NLK: variants seen among roughly 807,000 people sequenced by gnomAD.
The protein encoded by NLK is nemo like kinase.
NLK carries 11 observed loss-of-function variants against 59.0 expected under a neutral mutation model. The observed-to-expected ratio is 0.19, with a 90% CI of 0.12 to 0.31. NLK has a LOEUF of 0.31. Ranked by LOEUF, NLK falls within the 10% of genes least tolerant of loss-of-function variation. The probability of loss-of-function intolerance (pLI) is 1.00; values close to 1 mark genes in which losing one functional copy is unlikely to be tolerated. For missense variants in NLK, 410 were observed against 661.1 expected, an observed-to-expected ratio of 0.62 and a Z score of 4.16; for synonymous variants, 235 against 235.9, an observed-to-expected ratio of 1.00 and a Z score of 0.03.
intron 1 of NLK, among the ~76,000 whole-genome samples, chr17:28,111,133 A>G (rs945826401): frequency 6.6e-6 from 1 of 151,960 alleles, no homozygotes; most frequent in African/African-American, 2.4e-5. Flanking sequence ...GCTAGTTTGG[A>G]AGTCTTTTTC....
At chr17:28,085,855 C>T (rs1359221292) in intron 1 of NLK, among the ~76,000 whole-genome samples, 1 of 152,144 alleles carries the variant, frequency 6.6e-6, no homozygotes. Context: ...GTTAGATACA[C>T]AAATTTGTCA....
chr17:28,094,677 A>G (rs1904635007), intron 1 of NLK, among the ~76,000 whole-genome samples: 1 of 152,178 alleles, frequency 6.6e-6, no homozygotes, highest in Non-Finnish European at 1.5e-5. Flanking sequence ...GGAGAGACAA[A>G]AGCTAATATT....
chr17:28,174,454 T>C (rs1315532622), intron 7 of NLK, among the ~76,000 whole-genome samples: 2 of 152,208 alleles, frequency 1.3e-5, no homozygotes, highest in Non-Finnish European at 2.9e-5. Context: ...CATATTTTGA[T>C]TTTGAAGAGA....
intron 1 of NLK, among the ~76,000 whole-genome samples, chr17:28,092,415 C>A (rs531059678): frequency 6.6e-6 from 1 of 152,158 alleles, no homozygotes; most frequent in Non-Finnish European, 1.5e-5. Flanking sequence ...AAATTTAGAA[C>A]ATTTACTTAA....
intron 3 of NLK, among the ~76,000 whole-genome samples, chr17:28,144,677 A>C (rs899613709): frequency 3.9e-5 from 6 of 152,216 alleles, no homozygotes; most frequent in Admixed American, 2.0e-4. Context: ...AGTTTAGCGA[A>C]GCTCATGGGA....
At chr17:28,196,475 T>C (rs1909488165), downstream of NLK, 2 of 152,326 alleles carry the variant, frequency 1.3e-5, no homozygotes, top group East Asian at 3.8e-4. Flanking sequence ...ACACTTCCTA[T>C]TTATATTTCC....
At chr17:28,198,431 C>T (rs1159841253), downstream of NLK, among the ~76,000 whole-genome samples, 2 of 152,212 alleles carry the variant, frequency 1.3e-5, no homozygotes, top group African/African-American at 4.8e-5. Flanking sequence ...TCAAGCGATT[C>T]TCCTGCCTCA....
At chr17:28,164,395 ATG>A (rs2142050520) in intron 5 of NLK, among the ~76,000 whole-genome samples, 1 of 151,948 alleles carries the variant, frequency 6.6e-6, no homozygotes. Context: ...AAAAGTGAAA[ATG>A]CCAAACCAGA....
intron 1 of NLK, among the ~76,000 whole-genome samples, chr17:28,058,108 C>T (rs989084402): frequency 1.1e-4 from 16 of 152,154 alleles, no homozygotes; most frequent in African/African-American, 3.6e-4. Context: ...TACATAGTTT[C>T]GTAATGTAAA....
chr17:28,067,469 A>G (rs370609327), intron 1 of NLK, among the ~76,000 whole-genome samples: 4 of 151,994 alleles, frequency 2.6e-5, no homozygotes, highest in Non-Finnish European at 4.4e-5. Flanking sequence ...AACAGTCTCT[A>G]TGCAATTTAT....
In NLK at chr17:28,165,244, G is replaced by C. The variant is rs114914411; in HGVS notation, c.837+1616G>C. 6.3e-3 allele frequency among the ~76,000 whole-genome samples: 958 copies of C among 152,202 alleles called. 6 individuals are homozygous for C. The highest frequency in any genetic ancestry group is 0.023 in the African/African-American group (935 of 41,530). On this transcript the variant is annotated intron_variant, in intron 5 of 10. Coordinates refer to ENST00000407008, the MANE Select transcript of NLK (RefSeq NM_016231.5). Reference sequence around the variant, plus strand: ...TTCATACCTAATCAATCTTACGACAGTTTAAGCCAATTTCTTCTTATTTTG... The same window carrying C: ...TTCATACCTAATCAATCTTACGACACTTTAAGCCAATTTCTTCTTATTTTG...
At chr17:28,130,877 G>A (rs536133847) in intron 2 of NLK, among the ~76,000 whole-genome samples, 1 of 151,922 alleles carries the variant, frequency 6.6e-6, no homozygotes, top group Non-Finnish European at 1.5e-5. Context: ...GCTAATTATA[G>A]GTTTAAAAAA....
chr17:28,080,306 A>C (rs1415732771), intron 1 of NLK, among the ~76,000 whole-genome samples: 2 of 152,132 alleles, frequency 1.3e-5, no homozygotes. Flanking sequence ...TAGGCCAGGC[A>C]TAGTGGCTCA....
At chr17:28,181,570 TA>T (rs1013996311) in intron 7 of NLK, among the ~76,000 whole-genome samples, 1,578 of 134,340 alleles carry the variant, frequency 0.012, 2 homozygotes, top group African/African-American at 0.019. Context: ...CTCTGTCTCT[TA>T]AAAAAAAAAA....
chr17:28,086,440 C>T lies in NLK; in HGVS notation c.459-36163C>T, dbSNP rs117591418. Among the ~76,000 whole-genome samples, 28 of 151,940 alleles carry T rather than the reference C, an allele frequency of 1.8e-4. No homozygotes were observed. The East Asian group carries it at 4.8e-3, about 26-fold the overall frequency. ...AACTGAAGTTCTGTTTCTGAGGAAGCGTGAGAGAACATGCTACTAGATGGC... is the reference window on the plus strand; with the variant it reads ...AACTGAAGTTCTGTTTCTGAGGAAGTGTGAGAGAACATGCTACTAGATGGC... On this transcript the variant is annotated intron_variant, in intron 1 of 10. Transcript: ENST00000407008.
At chr17:28,169,324 A>G (rs1381881437) in intron 6 of NLK, among the ~76,000 whole-genome samples, 2 of 152,212 alleles carry the variant, frequency 1.3e-5, no homozygotes, top group African/African-American at 4.8e-5. Flanking sequence ...TGGTGACTTA[A>G]TGTACTTACA....
chr17:28,138,670 C>T (rs1486451998), intron 3 of NLK, among the ~76,000 whole-genome samples: 1 of 152,184 alleles, frequency 6.6e-6, no homozygotes, highest in African/African-American at 2.4e-5. Flanking sequence ...AATAATGGTA[C>T]TACTAAGGAC....
chr17:28,109,013 A>T (rs186092898), intron 1 of NLK, among the ~76,000 whole-genome samples: 1 of 152,114 alleles, frequency 6.6e-6, no homozygotes, highest in Admixed American at 6.5e-5. Context: ...CTAAAAAAAT[A>T]CAAAAAAAGT....
intron 1 of NLK, 83 bp downstream of exon 1, chr17:28,043,414 C>G: frequency 8.2e-7 from 1 of 1,217,132 alleles, no homozygotes; most frequent in Non-Finnish European, 1.1e-6. Context: ...ATGGTTGTCT[C>G]CATGTTGACC....
Sources: allele counts gnomAD v4.1 joint callset (sites outside exome capture counted in the v4.1 genomes callset), GRCh38; gene constraint gnomAD v4.1.1; transcripts MANE v1.5; gene names NCBI Gene and HGNC (gene_info 2026-07-23, HGNC 2026-07-21).